The following FNIP2 variants were observed in gnomAD, a reference collection of about 807,000 sequenced individuals.
The protein encoded by FNIP2 is folliculin interacting protein 2, also known as folliculin-interacting protein 2.
In FNIP2, 32 loss-of-function variants were observed where a neutral mutation model predicts 108.7. That is an observed-to-expected ratio of 0.29 (90% CI 0.22 to 0.40). The LOEUF is 0.40. FNIP2 is among the 10% of genes least tolerant of loss of function. The pLI is 1.00. For missense variants in FNIP2, 1,202 were observed against 1,381.6 expected (o/e 0.87, Z 2.06); for synonymous variants, 480 against 496.7 (o/e 0.97, Z 0.45).
chr4:158,889,907 GT>G, intron 14 of FNIP2: 1 of 985,034 alleles, frequency 1.0e-6, no homozygotes, highest in Non-Finnish European at 1.2e-6. Context: ...GGAGGAGCTT[GT>G]AAAGAGAAGT....
intron 1 of FNIP2, among the ~76,000 whole-genome samples, chr4:158,774,008 C>T (rs1352627078): frequency 6.6e-6 from 1 of 152,130 alleles, no homozygotes; most frequent in Admixed American, 6.6e-5. Flanking sequence ...ATTTTATACA[C>T]AGACACACAA....
chr4:158,787,857 C>G (rs1013141726), intron 1 of FNIP2, among the ~76,000 whole-genome samples: 1 of 152,166 alleles, frequency 6.6e-6, no homozygotes, highest in South Asian at 2.1e-4. Flanking sequence ...CCCTCATACT[C>G]TTAAGTCCAG....
intron 1 of FNIP2, among the ~76,000 whole-genome samples, chr4:158,785,655 C>T (rs918005260): frequency 2.0e-5 from 3 of 151,816 alleles, no homozygotes; most frequent in African/African-American, 4.8e-5. Flanking sequence ...ACTGTATTTA[C>T]TCCATTTTTT....
chr4:158,829,152 G>A lies in FNIP2; in HGVS notation c.308G>A (p.Ser103Asn). 1 of 1,613,018 alleles carries A rather than the reference G, an allele frequency of 6.2e-7. No individual in the cohort carries two copies. The highest frequency in any genetic ancestry group is 1.1e-5 in the South Asian group (1 of 90,778). The change falls in exon 3 of 17, where the codon AGC becomes AAC. Residue 103 changes from serine to asparagine, a missense_variant. Ser to Asn is a conservative substitution (Grantham distance 46). Around this residue, in one of 5 missense-constraint regions of FNIP2, gnomAD observed 173 missense variants for 165.9 expected, o/e 1.04. Coordinates refer to ENST00000264433, the MANE Select transcript of FNIP2 (RefSeq NM_020840.3). ...QGSSSVSSSS[S>N]SSISSHSSSG... Reference sequence around the variant, plus strand: ...AGCAGCAGTGTCAGCAGCAGTAGCAGCAGCAGCATCTCTTCCCACAGTTCT... The same window carrying A: ...AGCAGCAGTGTCAGCAGCAGTAGCAACAGCAGCATCTCTTCCCACAGTTCT...
intron 16 of FNIP2, among the ~76,000 whole-genome samples, chr4:158,900,199 G>A (rs1729072447): frequency 6.6e-6 from 1 of 152,184 alleles, no homozygotes; most frequent in African/African-American, 2.4e-5. Context: ...ATTGCACTGT[G>A]GTCTGAGAGA....
chr4:158,797,452 C>A (rs1020123089), intron 1 of FNIP2, among the ~76,000 whole-genome samples: 1 of 152,174 alleles, frequency 6.6e-6, no homozygotes, highest in African/African-American at 2.4e-5. Context: ...ATAATCTTAG[C>A]GCCTTGGGAG....
At chr4:158,777,900 TC>T (rs921311197) in intron 1 of FNIP2, among the ~76,000 whole-genome samples, 2 of 152,088 alleles carry the variant, frequency 1.3e-5, no homozygotes, top group Non-Finnish European at 2.9e-5. Context: ...CACACCCCAA[TC>T]CCCCTTCCCA....
At chr4:158,817,506 A>G (rs1445458456) in intron 1 of FNIP2, among the ~76,000 whole-genome samples, 1 of 152,182 alleles carries the variant, frequency 6.6e-6, no homozygotes, top group African/African-American at 2.4e-5. Context: ...TGGAAGCACC[A>G]GACCTTTAGG....
chr4:158,904,672 T>G lies in FNIP2; in HGVS notation c.*128T>G, dbSNP rs1477467157. ...AACAGAAACAGTCATTCCACCTTTT[T>G]GTTTTGTGTTTTTGCTGTCAAGCTG... On this transcript the variant is annotated 3_prime_UTR_variant, in exon 17 of 17. Transcript: ENST00000264433. 1 of 804,810 alleles carries G rather than the reference T, an allele frequency of 1.2e-6. No individual in the cohort carries two copies. The highest frequency in any genetic ancestry group is 1.7e-5 in the African/African-American group (1 of 58,276). 49.9% of individuals were successfully genotyped at this position (804,810 alleles called of 1,614,324 possible). A position where few individuals can be genotyped will look rare whatever the true frequency, so the allele number is the denominator to read the frequency against.
rs753677350 is a variant in FNIP2 at position 158,868,962 on chromosome 4, G to A, written c.2326G>A (p.Val776Ile). The change falls in exon 13 of 17, where the codon GTT (valine) becomes ATT (isoleucine). Residue 776 changes from valine to isoleucine, a missense_variant. Physicochemically the swap from Val to Ile is conservative, Grantham distance 29. Around this residue, in one of 5 missense-constraint regions of FNIP2, gnomAD observed 878 missense variants for 990.3 expected, o/e 0.89. Coordinates refer to ENST00000264433, the MANE Select transcript of FNIP2 (RefSeq NM_020840.3). This position sits in a 1 kb window ranked among gnomAD's most constrained non-coding sequence, Gnocchi z 4.6. ...SPFKPGFQENVCCPQNRLSEG... is the reference protein window; with the variant it reads ...SPFKPGFQENICCPQNRLSEG... ...TTTTAAACCTGGCTTTCAGGAGAAT[G>A]TTTGCTGTCCTCAGAATCGGCTTTC... 1 of 1,613,868 alleles carries A rather than the reference G, an allele frequency of 6.2e-7. No homozygotes were observed. Among genetic ancestry groups the A allele is most frequent in the Non-Finnish European group, 8.5e-7 (1 of 1,179,912 alleles).
In FNIP2 at chr4:158,868,759, T is replaced by C. The variant is rs1041296669; in HGVS notation, c.2123T>C (p.Leu708Pro). 6.2e-7 allele frequency: 1 copy of C among 1,613,668 alleles called. No homozygotes were observed. Among genetic ancestry groups the C allele is most frequent in the Admixed American group, 1.7e-5 (1 of 59,992 alleles). The change falls in exon 13 of 17, where the codon CTC becomes CCC. Residue 708 changes from leucine (L) to proline (P), a missense_variant. Transcript: ENST00000264433. The surrounding 1 kb of genome is among the most constrained non-coding windows in gnomAD (Gnocchi z 4.6). ...SVAWPCPDRH[L>P]REKPSLEKVT... ...GCCTGGCCTTGCCCTGACAGACATC[T>C]CCGGGAGAAACCTTCCTTAGAAAAG...
At chr4:158,848,725 G>C (rs1779538266) in intron 7 of FNIP2, among the ~76,000 whole-genome samples, 1 of 152,044 alleles carries the variant, frequency 6.6e-6, no homozygotes, top group Non-Finnish European at 1.5e-5. Context: ...AAATTCAAGA[G>C]AACACAGAAG....
chr4:158,797,800 T>A (rs982565349), intron 1 of FNIP2, among the ~76,000 whole-genome samples: 1 of 152,144 alleles, frequency 6.6e-6, no homozygotes, highest in African/African-American at 2.4e-5. Flanking sequence ...TCCACTGGCA[T>A]GAGTCAAGAG....
At chr4:158,829,523 A>C (rs1026486067) in intron 3 of FNIP2, among the ~76,000 whole-genome samples, 1 of 152,236 alleles carries the variant, frequency 6.6e-6, no homozygotes, top group African/African-American at 2.4e-5. Context: ...CCAGAATAAT[A>C]AACATGTACT....
intron 7 of FNIP2, among the ~76,000 whole-genome samples, chr4:158,840,322 A>G (rs1312172202): frequency 6.6e-6 from 1 of 152,202 alleles, no homozygotes; most frequent in East Asian, 1.9e-4. Flanking sequence ...AGTTGTGCAT[A>G]GTCAGCTGTA....
At chr4:158,813,198 C>G (rs1438636269) in intron 1 of FNIP2, among the ~76,000 whole-genome samples, 1 of 152,128 alleles carries the variant, frequency 6.6e-6, no homozygotes, top group African/African-American at 2.4e-5. Context: ...CTTTTCAGCT[C>G]ATTTGGATAA....
At chr4:158,851,538 A>G in intron 8 of FNIP2, 88 bp downstream of exon 8, 3 of 1,521,026 alleles carry the variant, frequency 2.0e-6, no homozygotes, top group Admixed American at 2.2e-5. Context: ...GCCTATTGTC[A>G]GTGGAAAAAA....
At chr4:158,833,475 C>G (rs1362262325) in intron 5 of FNIP2, 53 bp from the exon 6 acceptor site, 2 of 1,114,036 alleles carry the variant, frequency 1.8e-6, no homozygotes, top group African/African-American at 1.6e-5. Context: ...GCTTTAGTAG[C>G]TTCTTGACGT....
At chr4:158,771,114 G>A (rs904776143) in intron 1 of FNIP2, among the ~76,000 whole-genome samples, 2 of 152,160 alleles carry the variant, frequency 1.3e-5, no homozygotes, top group Admixed American at 1.3e-4. Flanking sequence ...TGCCAAGTAC[G>A]GTCTTTTTTT....
Sources: gnomAD v4.1 joint callset for allele counts (sites outside exome capture counted in the v4.1 genomes callset) on GRCh38, gnomAD v4.1.1 for gene constraint, gnomAD v4.1.1 regional missense constraint, Gnocchi (gnomAD v3.1) non-coding constraint, MANE v1.5 for transcripts, NCBI Gene and HGNC (gene_info 2026-07-23, HGNC 2026-07-21) for gene names.